The following CCDC3 variants were observed in gnomAD, a reference collection of about 807,000 sequenced individuals.
CCDC3 encodes the protein coiled-coil domain-containing protein 3.
Under a neutral mutation model 21.4 loss-of-function variants are expected in CCDC3, and 24 were observed. That is an observed-to-expected ratio of 1.12 (90% CI 0.81 to 1.58). The LOEUF (loss-of-function observed/expected upper bound fraction) is 1.58, where lower values mean the gene tolerates loss of function less well. Ranked by LOEUF, CCDC3 falls within the 40% of genes most tolerant of loss-of-function variation. CCDC3 has a pLI of 0.00. For synonymous variants in CCDC3, 186 were observed against 166.0 expected (o/e 1.12, Z -0.93); for missense variants, 425 against 360.9 (o/e 1.18, Z -1.44).
intron 2 of CCDC3, among the ~76,000 whole-genome samples, chr10:12,978,016 ACT>A (rs1197850024): frequency 1.4e-5 from 2 of 145,788 alleles, no homozygotes; most frequent in South Asian, 2.2e-4. Context: ...CATTTTCCAC[ACT>A]CTTTTTTTTT....
At chr10:13,023,348 G>A (rs1023899681) in intron 5 of CCDC3, among the ~76,000 whole-genome samples, 4 of 151,960 alleles carry the variant, frequency 2.6e-5, no homozygotes, top group African/African-American at 9.7e-5. Flanking sequence ...TGACAAGAAG[G>A]TCCAAAATGG....
intron 5 of CCDC3, among the ~76,000 whole-genome samples, chr10:13,029,813 C>T (rs1013932531): frequency 1.3e-5 from 2 of 152,130 alleles, no homozygotes; most frequent in Non-Finnish European, 2.9e-5. Flanking sequence ...AAGAAATCAA[C>T]AAAGCCTCCA....
intron 5 of CCDC3, among the ~76,000 whole-genome samples, chr10:13,045,076 C>T (rs1174943508): frequency 2.0e-5 from 3 of 152,164 alleles, no homozygotes; most frequent in Non-Finnish European, 2.9e-5. Context: ...TCATCTTTAA[C>T]AGGCAAAAAA....
chr10:13,061,623 T>A (rs965671493), intron 4 of CCDC3, among the ~76,000 whole-genome samples: 1 of 152,140 alleles, frequency 6.6e-6, no homozygotes, highest in African/African-American at 2.4e-5. Context: ...ATTTGAGAAA[T>A]ACACTGGTTT....
intron 5 of CCDC3, among the ~76,000 whole-genome samples, chr10:13,020,422 C>A (rs573715652): frequency 6.6e-6 from 1 of 152,180 alleles, no homozygotes; most frequent in Non-Finnish European, 1.5e-5. Context: ...TTATTCTCAG[C>A]AAACAAAGGA....
intron 2 of CCDC3, among the ~76,000 whole-genome samples, chr10:12,910,331 G>C (rs1834248420): frequency 6.6e-6 from 1 of 152,188 alleles, no homozygotes; most frequent in South Asian, 2.1e-4. Flanking sequence ...ATGAGAAAAA[G>C]CATGGTGTAT....
intron 2 of CCDC3, among the ~76,000 whole-genome samples, chr10:12,932,357 G>A (rs1834659452): frequency 1.3e-5 from 2 of 152,040 alleles, no homozygotes; most frequent in African/African-American, 4.8e-5. Flanking sequence ...GTCTACAGTT[G>A]GACAAAATAA....
chr10:13,052,987 TACACAC>T (rs574838741), intron 4 of CCDC3, among the ~76,000 whole-genome samples: 6,384 of 59,358 alleles, frequency 0.11, 198 homozygotes, highest in Middle Eastern at 0.22. Context: ...CACACACACA[TACACAC>T]ACACACCTAG....
chr10:13,047,428 C>A (rs903564786), intron 5 of CCDC3, among the ~76,000 whole-genome samples: 1 of 152,042 alleles, frequency 6.6e-6, no homozygotes, highest in East Asian at 1.9e-4. Flanking sequence ...TAGGGATCCC[C>A]AGGAAAAAGG....
intron 2 of CCDC3, among the ~76,000 whole-genome samples, chr10:12,972,216 T>C (rs1052498350): frequency 1.4e-4 from 21 of 152,144 alleles, no homozygotes; most frequent in Admixed American, 6.6e-5. Context: ...CCCTCACTGG[T>C]TCCTGTGAGT....
At chr10:13,049,073 G>A (rs1220787210) in intron 5 of CCDC3, among the ~76,000 whole-genome samples, 5 of 152,072 alleles carry the variant, frequency 3.3e-5, no homozygotes, top group Non-Finnish European at 5.9e-5. Flanking sequence ...ACAGGCTTTG[G>A]GACATCTTAG....
chr10:12,904,111 G>C (rs1389735652), intron 2 of CCDC3, among the ~76,000 whole-genome samples: 2 of 151,946 alleles, frequency 1.3e-5, no homozygotes, highest in African/African-American at 4.8e-5. Flanking sequence ...TATTTCATGG[G>C]AGCTGGAGGA....
At chr10:13,002,881 C>A (rs926911382), upstream of CCDC3, among the ~76,000 whole-genome samples, 1 of 152,210 alleles carries the variant, frequency 6.6e-6, no homozygotes, top group Non-Finnish European at 1.5e-5. Context: ...TCACTGTGTC[C>A]TCACGTGGCC....
intron 3 of CCDC3, among the ~76,000 whole-genome samples, chr10:13,086,481 G>A (rs923260691): frequency 3.3e-5 from 5 of 152,036 alleles, no homozygotes; most frequent in Admixed American, 6.5e-5. Flanking sequence ...TTTTGAGATG[G>A]AGTCTTGCTC....
intron 3 of CCDC3, among the ~76,000 whole-genome samples, chr10:13,093,047 C>CA (rs1832594306): frequency 1.1e-5 from 1 of 91,852 alleles, no homozygotes; most frequent in Non-Finnish European, 2.3e-5. Context: ...TTTTTTTTTT[C>CA]AAAAACAAAG....
intron 5 of CCDC3, among the ~76,000 whole-genome samples, chr10:13,024,945 T>G (rs1836196184): frequency 6.6e-6 from 1 of 152,238 alleles, no homozygotes; most frequent in African/African-American, 2.4e-5. Flanking sequence ...TCTTCCATAT[T>G]TCTTCATTCC....
intron 2 of CCDC3, 107 bp downstream of exon 2, chr10:12,998,231 G>T: frequency 7.9e-7 from 1 of 1,264,188 alleles, no homozygotes. Flanking sequence ...AATACTCTCT[G>T]ATCTGGGCTT....
chr10:13,098,786 G>C (rs1245449094), intron 2 of CCDC3, among the ~76,000 whole-genome samples: 1 of 130,300 alleles, frequency 7.7e-6, no homozygotes, highest in African/African-American at 2.9e-5. Flanking sequence ...GCATGATCTC[G>C]GCTCGCTGCA....
intron 2 of CCDC3, among the ~76,000 whole-genome samples, chr10:12,920,568 A>G (rs145991175): frequency 6.6e-6 from 1 of 152,328 alleles, no homozygotes; most frequent in African/African-American, 2.4e-5. Context: ...TTTACTACGT[A>G]TTAGGTTGGC....
Sources: allele counts gnomAD v4.1 joint callset (sites outside exome capture counted in the v4.1 genomes callset), GRCh38; gene constraint gnomAD v4.1.1; transcripts MANE v1.5; gene names NCBI Gene and HGNC (gene_info 2026-07-23, HGNC 2026-07-21).